MYO5B: variants seen among roughly 807,000 people sequenced by gnomAD.
MYO5B encodes unconventional myosin-Vb.
MYO5B carries 143 observed loss-of-function variants against 229.3 expected under a neutral mutation model. The observed-to-expected ratio is 0.62, with a 90% CI of 0.54 to 0.72. The LOEUF (loss-of-function observed/expected upper bound fraction) is 0.72, where lower values mean the gene tolerates loss of function less well. MYO5B is among the 30% of genes least tolerant of loss of function. The pLI, the probability that MYO5B is intolerant of heterozygous loss-of-function variation, is 0.00. For missense variants in MYO5B, 2,321 were observed against 2,331.0 expected, an observed-to-expected ratio of 1.00 and a Z score of 0.09; for synonymous variants, 918 against 885.2, an observed-to-expected ratio of 1.04 and a Z score of -0.66.
At chr18:49,948,240 T>C (rs1371621096) in intron 14 of MYO5B, among the ~76,000 whole-genome samples, 1 of 150,444 alleles carries the variant, frequency 6.6e-6, no homozygotes, top group Non-Finnish European at 1.5e-5. Context: ...AATCTTTTCT[T>C]TAAAAAGAAA....
At chr18:50,178,753 A>T (rs2033031505) in intron 1 of MYO5B, among the ~76,000 whole-genome samples, 1 of 152,180 alleles carries the variant, frequency 6.6e-6, no homozygotes, top group Non-Finnish European at 1.5e-5. Context: ...TCACATTGCA[A>T]TGTGAGTGCA....
intron 1 of MYO5B, among the ~76,000 whole-genome samples, chr18:50,144,128 C>G (rs1220628223): frequency 6.6e-6 from 1 of 152,034 alleles, no homozygotes; most frequent in African/African-American, 2.4e-5. Context: ...CCACTTCTGC[C>G]CCACCCCCCT....
At chr18:49,841,648 G>A (rs1384790129) in intron 34 of MYO5B, among the ~76,000 whole-genome samples, 194 bp from the exon 35 acceptor site, 2 of 152,142 alleles carry the variant, frequency 1.3e-5, no homozygotes, top group Non-Finnish European at 2.9e-5. Flanking sequence ...CTACCACCAG[G>A]GATGGTGCAC....
chr18:50,125,321 T>C (rs1034884896), intron 1 of MYO5B, among the ~76,000 whole-genome samples: 2 of 132,306 alleles, frequency 1.5e-5, no homozygotes, highest in African/African-American at 5.8e-5. Context: ...AATTGAACAA[T>C]GAGAACACTT....
At chr18:49,893,275 C>T (rs1361759181) in intron 22 of MYO5B, among the ~76,000 whole-genome samples, 3 of 152,180 alleles carry the variant, frequency 2.0e-5, no homozygotes. Context: ...CTGACTGGGA[C>T]ACACATGCAG....
chr18:49,849,252 C>T (rs2024169565), intron 32 of MYO5B, among the ~76,000 whole-genome samples: 1 of 152,178 alleles, frequency 6.6e-6, no homozygotes, highest in African/African-American at 2.4e-5. Context: ...TCAATCTTGC[C>T]TCCCAACTTC....
intron 1 of MYO5B, among the ~76,000 whole-genome samples, chr18:50,101,714 T>G (rs1373392246): frequency 6.6e-6 from 1 of 152,026 alleles, no homozygotes; most frequent in African/African-American, 2.4e-5. Flanking sequence ...ATCAGAATGG[T>G]GATTATTAAA....
chr18:49,974,419 T>A lies in MYO5B; in HGVS notation c.1253A>T (p.Glu418Val), dbSNP rs749988696. ...IYAQLFGWIV[E>V]HINKALHTSL... The stretch of plus-strand genomic sequence containing the variant: ...GGTGTGCAGGGCCTTGTTGATGTGC[T>A]CCACAATCCAGCCGAACAACTGGGC... Residue 418 changes from glutamate to valine, a missense_variant, in exon 10 of 40, where the codon GAG becomes GTG. Glu to Val is a moderately radical substitution (Grantham distance 121). Transcript: ENST00000285039. 3 of 1,614,160 alleles carry A rather than the reference T, an allele frequency of 1.9e-6. No individual in the cohort carries two copies. The Admixed American group carries it at 5.0e-5, about 27-fold the overall frequency.
chr18:50,128,084 T>C (rs2032195100), intron 1 of MYO5B, among the ~76,000 whole-genome samples: 3 of 152,242 alleles, frequency 2.0e-5, no homozygotes, highest in African/African-American at 7.2e-5. Flanking sequence ...GCTTGCTGAA[T>C]GCAGATCTTA....
chr18:50,024,974 A>G (rs994261216), intron 4 of MYO5B, among the ~76,000 whole-genome samples: 1 of 152,188 alleles, frequency 6.6e-6, no homozygotes, highest in African/African-American at 2.4e-5. Context: ...GGGAGTGGGA[A>G]AATGAAAATA....
chr18:49,946,710 T>G (rs906979659), intron 14 of MYO5B, among the ~76,000 whole-genome samples: 1 of 152,206 alleles, frequency 6.6e-6, no homozygotes, highest in Admixed American at 6.5e-5. Flanking sequence ...AGAATTTGTA[T>G]GTTATTTGAA....
At chr18:49,890,090 C>G (rs1218331064) in intron 22 of MYO5B, among the ~76,000 whole-genome samples, 3 of 152,214 alleles carry the variant, frequency 2.0e-5, no homozygotes, top group African/African-American at 7.2e-5. Context: ...ACCAATCCCA[C>G]ACTCAGCTCC....
At chr18:49,839,019 G>A in intron 36 of MYO5B, 125 bp downstream of exon 36, 15 of 1,191,480 alleles carry the variant, frequency 1.3e-5, no homozygotes, top group Non-Finnish European at 1.9e-5. Context: ...TTCACTGGAA[G>A]GTTCTGGCTT....
intron 1 of MYO5B, among the ~76,000 whole-genome samples, chr18:50,184,077 A>G (rs1444570659): frequency 1.3e-5 from 2 of 152,196 alleles, no homozygotes; most frequent in Non-Finnish European, 2.9e-5. Context: ...AGTCTCGGGT[A>G]TTCTGTTGCA....
At chr18:50,059,234 A>G (rs1357603545) in intron 1 of MYO5B, among the ~76,000 whole-genome samples, 1 of 152,216 alleles carries the variant, frequency 6.6e-6, no homozygotes, top group African/African-American at 2.4e-5. Context: ...TTCATGGGGC[A>G]CCTGGTTTAT....
rs1598840591 is a variant in MYO5B, at chr18:49,863,114, A to T, written c.3944+113T>A. ...GTCTTTCTGTGTCCTCTAATAAATA[A>T]TTCTCTGATGCTGAGCACATGGTCA... is the stretch of plus-strand genomic sequence containing the variant. On this transcript the variant is annotated intron_variant, in intron 29 of 39. Transcript: ENST00000285039. The T allele has an allele frequency of 1.1e-5, 9 of 825,890 alleles. No homozygotes were observed. In the East Asian group the frequency reaches 2.2e-4, roughly 21 times the overall value. The allele number at this position is 825,890 out of a possible 1,614,324, so 51.2% of individuals were successfully genotyped here.
chr18:49,953,625 A>G (rs540236086), intron 13 of MYO5B, among the ~76,000 whole-genome samples: 9 of 152,218 alleles, frequency 5.9e-5, no homozygotes, highest in Admixed American at 2.6e-4. Flanking sequence ...CTCACACCCA[A>G]TGAATCAATC....
rs563936718 is a variant in MYO5B at position 49,869,640 on chromosome 18, A to G, written c.3603+2527T>C. 1.1e-4 allele frequency among the ~76,000 whole-genome samples: 17 copies of G among 152,336 alleles called. No individual in the cohort carries two copies. In the South Asian group the frequency reaches 3.3e-3, roughly 30 times the overall value. ...AAGAAGGGGCATCTTCCTCAAGGAC[A>G]GCTAAATGAGAGGAGGAGTTTTTGC... On this transcript the variant is annotated intron_variant, in intron 27 of 39. Transcript: ENST00000285039.
intron 5 of MYO5B, among the ~76,000 whole-genome samples, chr18:49,996,402 A>G (rs915277831): frequency 1.3e-5 from 2 of 152,254 alleles, no homozygotes; most frequent in Non-Finnish European, 2.9e-5. Context: ...TAAAAAAGAA[A>G]TACAACCCAG....
Sources: gnomAD v4.1 joint callset for allele counts (sites outside exome capture counted in the v4.1 genomes callset) on GRCh38, gnomAD v4.1.1 for gene constraint, MANE v1.5 for transcripts, NCBI Gene and HGNC (gene_info 2026-07-23, HGNC 2026-07-21) for gene names.